CFAP20DC: variants seen among roughly 807,000 people sequenced by gnomAD.
CFAP20DC encodes the protein protein CFAP20DC.
CFAP20DC carries 84 observed loss-of-function variants against 101.7 expected under a neutral mutation model. The ratio of observed to expected loss-of-function variants is 0.83; its 90% confidence interval spans 0.69 to 0.99. The LOEUF is 0.99. CFAP20DC is among the 50% of genes least tolerant of loss of function. The pLI is 0.00. For missense variants in CFAP20DC, 1,007 were observed against 970.3 expected, an observed-to-expected ratio of 1.04 and a Z score of -0.50; for synonymous variants, 359 against 351.2, an observed-to-expected ratio of 1.02 and a Z score of -0.25.
At chr3:58,984,759 C>A (rs777760670) in intron 4 of CFAP20DC, among the ~76,000 whole-genome samples, 1 of 152,102 alleles carries the variant, frequency 6.6e-6, no homozygotes, top group Non-Finnish European at 1.5e-5. Flanking sequence ...TTGGATATAG[C>A]ACCACAGGTG....
intron 5 of CFAP20DC, among the ~76,000 whole-genome samples, chr3:58,920,608 C>T (rs1344486556): frequency 6.6e-6 from 1 of 152,072 alleles, no homozygotes; most frequent in Non-Finnish European, 1.5e-5. Flanking sequence ...TTACGATTTT[C>T]CCCCTTTATT....
At chr3:58,927,190 T>C (rs1482667920) in intron 5 of CFAP20DC, among the ~76,000 whole-genome samples, 1 of 152,206 alleles carries the variant, frequency 6.6e-6, no homozygotes, top group African/African-American at 2.4e-5. Context: ...TAAAAATTTT[T>C]ATTTGAAAGA....
chr3:58,764,383 A>G (rs2070050893), intron 15 of CFAP20DC, among the ~76,000 whole-genome samples: 1 of 152,114 alleles, frequency 6.6e-6, no homozygotes, highest in Admixed American at 6.5e-5. Context: ...AGACTGTTGG[A>G]AAAGCGCAGT....
In CFAP20DC at chr3:58,971,745, G is replaced by A. The variant is rs1021045658; in HGVS notation, c.279-33983C>T. Among the ~76,000 whole-genome samples the A allele has an allele frequency of 6.6e-5, 10 of 151,966 alleles. No individual in the cohort carries two copies. The highest frequency in any genetic ancestry group is 2.1e-4 in the South Asian group (1 of 4,814). ...AGACAGATTTAGTAGTATGGAAATC[G>A]TCTCAAGGCAGGTAACAGAGAAAGC... is the stretch of plus-strand genomic sequence containing the variant. On this transcript the variant is annotated intron_variant, in intron 4 of 16. Transcript: ENST00000482387. The surrounding 1 kb of genome is among the most constrained non-coding windows in gnomAD (Gnocchi z 4.1).
rs186054387 is a variant in CFAP20DC at position 58,972,723 on chromosome 3, T to G, written c.279-34961A>C. ...TAAGAGACTGTAATGAGGAGGTAAA[T>G]TAACTCACTCAGTTCTATACTCAAT... On this transcript the variant is annotated intron_variant, in intron 4 of 16. Transcript: ENST00000482387. Among the ~76,000 whole-genome samples the G allele has an allele frequency of 3.5e-3, 535 of 152,270 alleles. 7 individuals are homozygous for G. The highest frequency in any genetic ancestry group is 0.012 in the African/African-American group (485 of 41,574).
chr3:58,817,185 G>C (rs1269641196), intron 14 of CFAP20DC, among the ~76,000 whole-genome samples: 1 of 151,256 alleles, frequency 6.6e-6, no homozygotes, highest in Admixed American at 6.6e-5. Flanking sequence ...CCACAAAGAT[G>C]GGGAAAAAAC....
At chr3:58,976,013 C>T (rs1049669330) in intron 4 of CFAP20DC, among the ~76,000 whole-genome samples, 2 of 152,190 alleles carry the variant, frequency 1.3e-5, no homozygotes, top group Non-Finnish European at 2.9e-5. Context: ...AATGCTACAC[C>T]TCAAAGCATT....
chr3:59,025,609 G>C (rs1231080489), intron 4 of CFAP20DC, among the ~76,000 whole-genome samples: 1 of 152,010 alleles, frequency 6.6e-6, no homozygotes, highest in Non-Finnish European at 1.5e-5. Context: ...TACAGATGAG[G>C]CTTTGACATA....
chr3:58,844,496 A>G (rs1334413969), intron 13 of CFAP20DC, among the ~76,000 whole-genome samples: 2 of 142,132 alleles, frequency 1.4e-5, no homozygotes, highest in Non-Finnish European at 3.0e-5. Context: ...ATACAGGAGC[A>G]CCCAGATTCA....
intron 14 of CFAP20DC, among the ~76,000 whole-genome samples, chr3:58,823,722 A>G (rs1467742888): frequency 2.0e-5 from 3 of 152,132 alleles, no homozygotes; most frequent in Non-Finnish European, 2.9e-5. Context: ...AGTGGTGACT[A>G]TTTAAGTTTT....
rs1342676620 is a variant in CFAP20DC, at chr3:58,914,710, A to G, written c.394-846T>C. Among the ~76,000 whole-genome samples the G allele has an allele frequency of 6.7e-6, 1 of 149,440 alleles. No individual in the cohort carries two copies. The highest frequency in any genetic ancestry group is 1.5e-5 in the Non-Finnish European group (1 of 67,500). ...TATATATATTTTTTTTCTTTTTTTT[A>G]AAGACAAATCTTATATATCTAGGAA... On this transcript the variant is annotated intron_variant, in intron 5 of 16. Coordinates refer to ENST00000482387, the MANE Select transcript of CFAP20DC (RefSeq NM_001394063.1). This position sits in a 1 kb window ranked among gnomAD's most constrained non-coding sequence, Gnocchi z 4.9.
chr3:58,806,274 G>T, intron 15 of CFAP20DC, 121 bp downstream of exon 15: 1 of 692,790 alleles, frequency 1.4e-6, no homozygotes, highest in Non-Finnish European at 2.5e-6. Flanking sequence ...CTAGGACTTT[G>T]AAAGAACATA....
chr3:58,948,212 A>T (rs1391319856), intron 4 of CFAP20DC, among the ~76,000 whole-genome samples: 1 of 151,114 alleles, frequency 6.6e-6, no homozygotes, highest in African/African-American at 2.4e-5. Context: ...TGCTACTTAA[A>T]TGTATGACAT....
intron 5 of CFAP20DC, among the ~76,000 whole-genome samples, chr3:58,933,314 A>T (rs1161592708): frequency 2.3e-4 from 35 of 151,644 alleles, no homozygotes; most frequent in Non-Finnish European, 3.8e-4. Context: ...CTCCCACACA[A>T]TAATAATGGG....
intron 4 of CFAP20DC, among the ~76,000 whole-genome samples, chr3:58,974,014 T>C (rs1021714339): frequency 1.3e-5 from 2 of 152,232 alleles, no homozygotes; most frequent in African/African-American, 4.8e-5. Flanking sequence ...GTGATTCATA[T>C]GGTATGACGT....
At chr3:58,985,860 G>A (rs910012534) in intron 4 of CFAP20DC, among the ~76,000 whole-genome samples, 1 of 152,166 alleles carries the variant, frequency 6.6e-6, no homozygotes, top group Non-Finnish European at 1.5e-5. Flanking sequence ...CACTAAGGAA[G>A]GGAATTATTT....
At chr3:58,763,155 C>T (rs1342877615) in intron 15 of CFAP20DC, among the ~76,000 whole-genome samples, 1 of 152,196 alleles carries the variant, frequency 6.6e-6, no homozygotes, top group African/African-American at 2.4e-5. Flanking sequence ...TTCCATTCTC[C>T]CCATCACTTT....
chr3:58,832,064 T>G (rs530291225), intron 13 of CFAP20DC, among the ~76,000 whole-genome samples, 175 bp from the exon 14 acceptor site: 6 of 152,212 alleles, frequency 3.9e-5, no homozygotes, highest in Non-Finnish European at 8.8e-5. Context: ...GTCCATTTGC[T>G]CCTCACATGC....
At chr3:58,967,171 G>GA (rs1233751767) in intron 4 of CFAP20DC, among the ~76,000 whole-genome samples, 2 of 152,096 alleles carry the variant, frequency 1.3e-5, no homozygotes, top group African/African-American at 4.8e-5. Context: ...TAAATCAGTG[G>GA]AAAAAAATTG....
Sources: allele counts gnomAD v4.1 joint callset (sites outside exome capture counted in the v4.1 genomes callset), GRCh38; gene constraint gnomAD v4.1.1; non-coding constraint Gnocchi (gnomAD v3.1); transcripts MANE v1.5; gene names NCBI Gene and HGNC (gene_info 2026-07-23, HGNC 2026-07-21).